DDX31: variants seen among roughly 807,000 people sequenced by gnomAD.
The protein encoded by DDX31 is ATP-dependent DNA helicase DDX31.
In DDX31, 70 loss-of-function variants were observed where a neutral mutation model predicts 91.3. The observed-to-expected ratio is 0.77, with a 90% CI of 0.63 to 0.94. The LOEUF is 0.94. Ranked by LOEUF, DDX31 falls within the 40% of genes least tolerant of loss-of-function variation. DDX31 has a pLI of 0.00. For synonymous variants in DDX31, 362 were observed against 350.6 expected (o/e 1.03, Z -0.36); for missense variants, 902 against 925.0 (o/e 0.98, Z 0.32).
At chr9:132,648,586 T>C in intron 9 of DDX31, 35 bp from the exon 10 acceptor site, 3 of 1,587,406 alleles carry the variant, frequency 1.9e-6, no homozygotes, top group Non-Finnish European at 2.6e-6. Context: ...AGAAAGTAAA[T>C]CAAACAGGGC....
rs112953745 is a variant in DDX31 at position 132,630,158 on chromosome 9, A to C, written c.1631+106T>G. On this transcript the variant is annotated intron_variant, in intron 16 of 19. Coordinates refer to ENST00000372159, the MANE Select transcript of DDX31 (RefSeq NM_022779.9). Reference sequence around the variant, plus strand: ...TTCTGGGACTCATTTAGGGATCACAAGGGTTAATGGCTCTTCGTCAGCTTA... The same window carrying C: ...TTCTGGGACTCATTTAGGGATCACACGGGTTAATGGCTCTTCGTCAGCTTA... 2.5e-5 allele frequency: 32 copies of C among 1,300,714 alleles called. No individual in the cohort carries two copies. The African/African-American group carries it at 3.8e-4, about 15-fold the overall frequency. The allele number at this position is 1,300,714 out of a possible 1,614,324, so 80.6% of individuals were successfully genotyped here.
Position 132,593,369 on chromosome 9 carries a change from A to G in DDX31, c.*1497T>C, listed in dbSNP as rs562136114. 2.6e-5 allele frequency: 4 copies of G among 152,320 alleles called. No individual in the cohort carries two copies. The South Asian group carries it at 8.3e-4, about 32-fold the overall frequency. The allele number at this position is 152,320 out of a possible 1,614,324, so 9.4% of individuals were successfully genotyped here. On this transcript the variant is annotated 3_prime_UTR_variant, in exon 20 of 20. Transcript: ENST00000372159. ...TTTCACACAGCTGGGTTTTGTCTAT[A>G]AAGTTTGATCCCTCCTTTTCTCATC...
intron 19 of DDX31, among the ~76,000 whole-genome samples, chr9:132,607,271 G>A (rs1831079453): frequency 6.6e-6 from 1 of 152,206 alleles, no homozygotes; most frequent in Non-Finnish European, 1.5e-5. Flanking sequence ...AGGGGTAAGA[G>A]AGCCCCAGCT....
At chr9:132,660,669 T>C (rs921062587) in intron 4 of DDX31, among the ~76,000 whole-genome samples, 7 of 152,212 alleles carry the variant, frequency 4.6e-5, no homozygotes, top group African/African-American at 1.2e-4. Flanking sequence ...AATATTCCTA[T>C]TAATTTTTAC....
At chr9:132,646,362 G>A (rs1421295376) in intron 12 of DDX31, among the ~76,000 whole-genome samples, 2 of 152,064 alleles carry the variant, frequency 1.3e-5, no homozygotes, top group African/African-American at 2.4e-5. Context: ...ATTCGCCCAG[G>A]GCTTGCCACA....
At chr9:132,659,895 T>G in intron 4 of DDX31, 115 bp from the exon 5 acceptor site, 1 of 878,798 alleles carries the variant, frequency 1.1e-6, no homozygotes. Context: ...AACTGCCTCC[T>G]TAGAAGCTAT....
intron 7 of DDX31, 43 bp from the exon 8 acceptor site, chr9:132,651,159 C>CA: frequency 1.8e-5 from 23 of 1,253,208 alleles, no homozygotes; most frequent in Non-Finnish European, 2.3e-5. Flanking sequence ...CAGGATCCCC[C>CA]TTTTTTTTTT....
chr9:132,612,014 T>A, intron 19 of DDX31, 73 bp downstream of exon 19: 1 of 1,545,272 alleles, frequency 6.5e-7, no homozygotes, highest in South Asian at 1.2e-5. Context: ...GCGGTGAGCA[T>A]GGCAGCTAGC....
intron 13 of DDX31, 144 bp from the exon 14 acceptor site, chr9:132,642,207 G>A (rs1208310024): frequency 2.7e-6 from 2 of 730,240 alleles, no homozygotes; most frequent in Middle Eastern, 2.4e-4. Context: ...AGGAAGAAGC[G>A]GATTCTTTAC....
intron 7 of DDX31, among the ~76,000 whole-genome samples, chr9:132,651,449 C>A (rs1305810332): frequency 6.6e-6 from 1 of 152,060 alleles, no homozygotes; most frequent in African/African-American, 2.4e-5. Flanking sequence ...AACAAAGTAA[C>A]CTGAATTTGA....
chr9:132,603,772 G>A (rs1288694692), intron 19 of DDX31, among the ~76,000 whole-genome samples: 1 of 152,164 alleles, frequency 6.6e-6, no homozygotes, highest in Non-Finnish European at 1.5e-5. Context: ...CTGGGTTCCT[G>A]TTCTTTGTTG....
At chr9:132,638,688 G>A (rs576181514) in intron 14 of DDX31, among the ~76,000 whole-genome samples, 1 of 152,212 alleles carries the variant, frequency 6.6e-6, no homozygotes, top group South Asian at 2.1e-4. Flanking sequence ...CAGGACTTGC[G>A]AGCTGCATGA....
chr9:132,628,584 G>C (rs1396851675), intron 16 of DDX31, among the ~76,000 whole-genome samples: 3 of 152,134 alleles, frequency 2.0e-5, no homozygotes, highest in Admixed American at 1.3e-4. Context: ...TGTGTTATTA[G>C]AGAAAAATGA....
At chr9:132,609,045 G>C (rs538704552) in intron 19 of DDX31, among the ~76,000 whole-genome samples, 1 of 152,184 alleles carries the variant, frequency 6.6e-6, no homozygotes, top group Non-Finnish European at 1.5e-5. Flanking sequence ...GTCTGCCTTC[G>C]AAAGGCAGGG....
intron 6 of DDX31, chr9:132,658,307 T>C: frequency 2.8e-6 from 2 of 703,354 alleles, no homozygotes; most frequent in Non-Finnish European, 5.2e-6. Flanking sequence ...CTTGGTTATT[T>C]AACTTTCCTA....
chr9:132,630,365 C>A lies in DDX31; in HGVS notation c.1530G>T (p.Arg510=), dbSNP rs1166058209. The part of the protein sequence containing the change: ...APSSPAEYIH[R]IGRTARIGCH... ...AGCCAATCCGGGCGGTTCTTCCAATCCGGTGGATGTATTCTGCAGGTGAAG... is the reference window on the plus strand; with the variant it reads ...AGCCAATCCGGGCGGTTCTTCCAATACGGTGGATGTATTCTGCAGGTGAAG... The change falls in exon 16 of 20, where the codon CGG becomes CGT. Residue 510 remains arginine, a synonymous_variant. Transcript: ENST00000372159. 1 of 1,604,010 alleles carries A rather than the reference C, an allele frequency of 6.2e-7. No individual in the cohort carries two copies. The highest frequency in any genetic ancestry group is 8.5e-7 in the Non-Finnish European group (1 of 1,171,764).
chr9:132,618,257 G>C, intron 18 of DDX31, 73 bp downstream of exon 18: 1 of 1,308,088 alleles, frequency 7.6e-7, no homozygotes, highest in Non-Finnish European at 1.1e-6. Context: ...CGGTTTGGGG[G>C]TATGTGGGTG....
chr9:132,604,618 TTCTA>T (rs1178142563), intron 19 of DDX31, among the ~76,000 whole-genome samples: 1 of 152,164 alleles, frequency 6.6e-6, no homozygotes, highest in East Asian at 1.9e-4. Flanking sequence ...TCACGGTCAC[TTCTA>T]TCTCACTCTT....
At chr9:132,661,398 G>A (rs1160505796) in intron 3 of DDX31, 147 bp from the exon 4 acceptor site, 1 of 720,978 alleles carries the variant, frequency 1.4e-6, no homozygotes, top group Admixed American at 2.9e-5. Context: ...CTCTACTTGG[G>A]GCGATTCTGC....
Sources: allele counts gnomAD v4.1 joint callset (sites outside exome capture counted in the v4.1 genomes callset), GRCh38; gene constraint gnomAD v4.1.1; transcripts MANE v1.5; gene names NCBI Gene and HGNC (gene_info 2026-07-23, HGNC 2026-07-21).